Variants in CCBE1 observed in about 807,000 individuals in gnomAD.
The protein encoded by CCBE1 is collagen and calcium-binding EGF domain-containing protein 1.
Under a neutral mutation model 50.0 loss-of-function variants are expected in CCBE1, and 37 were observed. The observed-to-expected ratio is 0.74, with a 90% CI of 0.57 to 0.97. The LOEUF (loss-of-function observed/expected upper bound fraction) is 0.97, where lower values mean the gene tolerates loss of function less well. Among genes scored for constraint, CCBE1 ranks in the 50% least tolerant of loss-of-function variants. The pLI, the probability that CCBE1 is intolerant of heterozygous loss-of-function variation, is 0.00. For synonymous variants in CCBE1, 234 were observed against 203.7 expected (o/e 1.15, Z -1.27); for missense variants, 538 against 523.8 (o/e 1.03, Z -0.26).
chr18:59,696,219 C>T (rs3114279), intron 2 of CCBE1, among the ~76,000 whole-genome samples: 71,958 of 152,018 alleles, frequency 0.47, 17,239 homozygotes, highest in African/African-American at 0.51. Context: ...TCTGCCCCAA[C>T]AGAAGGTCAG....
rs1016070373 is a variant in CCBE1 at position 59,435,795 on chromosome 18, G to T, written c.*113C>A. ...GGAGTGGAGAGACGTCAGGAGAAGA[G>T]AAGAGAAAAATGTATGTTTTCTAGG... On this transcript the variant is annotated 3_prime_UTR_variant, in exon 11 of 11. Coordinates refer to ENST00000439986, the MANE Select transcript of CCBE1 (RefSeq NM_133459.4). 3.1e-5 allele frequency: 30 copies of T among 956,256 alleles called. No individual in the cohort carries two copies. Among genetic ancestry groups the T allele is most frequent in the Middle Eastern group, 2.7e-4 (1 of 3,666 alleles). The allele number at this position is 956,256 out of a possible 1,614,324, so 59.2% of individuals were successfully genotyped here. A position where few individuals can be genotyped will look rare whatever the true frequency, so the allele number is the denominator to read the frequency against.
chr18:59,455,577 T>C (rs1911152881), intron 5 of CCBE1, among the ~76,000 whole-genome samples: 2 of 152,234 alleles, frequency 1.3e-5, no homozygotes, highest in Admixed American at 1.3e-4. Context: ...AGGTGCTCCA[T>C]GGGCTTTTTG....
At chr18:59,663,169 GAGA>G (rs1315708612) in intron 2 of CCBE1, among the ~76,000 whole-genome samples, 4 of 152,224 alleles carry the variant, frequency 2.6e-5, no homozygotes, top group African/African-American at 9.7e-5. Context: ...CAATTGCTGA[GAGA>G]AGAAGATCCT....
At chr18:59,620,922 G>C (rs888852296) in intron 2 of CCBE1, among the ~76,000 whole-genome samples, 1 of 152,142 alleles carries the variant, frequency 6.6e-6, no homozygotes. Flanking sequence ...CACTGGCCAG[G>C]GCTGTCCAGG....
At chr18:59,687,814 A>G (rs1417626456) in intron 2 of CCBE1, among the ~76,000 whole-genome samples, 1 of 152,160 alleles carries the variant, frequency 6.6e-6, no homozygotes, top group Non-Finnish European at 1.5e-5. Context: ...CAAAAAAATT[A>G]GCTGGGCGTG....
At chr18:59,644,666 A>ATT (rs1276422370) in intron 2 of CCBE1, among the ~76,000 whole-genome samples, 2 of 152,158 alleles carry the variant, frequency 1.3e-5, no homozygotes, top group African/African-American at 4.8e-5. Flanking sequence ...AGTTGGCACA[A>ATT]TGTGTGGGGA....
chr18:59,631,434 T>C (rs2053847047), intron 2 of CCBE1, among the ~76,000 whole-genome samples: 1 of 152,112 alleles, frequency 6.6e-6, no homozygotes, highest in African/African-American at 2.4e-5. Flanking sequence ...AGTGCCGACT[T>C]GAATCCAGAA....
chr18:59,521,841 C>T (rs1484813161), intron 2 of CCBE1, among the ~76,000 whole-genome samples: 1 of 152,168 alleles, frequency 6.6e-6, no homozygotes, highest in East Asian at 1.9e-4. Flanking sequence ...TTTAGTCATA[C>T]TTATTTTCTA....
At chr18:59,677,448 C>T (rs1225274095) in intron 2 of CCBE1, among the ~76,000 whole-genome samples, 1 of 152,020 alleles carries the variant, frequency 6.6e-6, no homozygotes, top group Non-Finnish European at 1.5e-5. Context: ...GACATCCAAG[C>T]AAAGATCAAG....
At chr18:59,530,833 T>A (rs547660300) in intron 2 of CCBE1, among the ~76,000 whole-genome samples, 1 of 152,368 alleles carries the variant, frequency 6.6e-6, no homozygotes, top group South Asian at 2.1e-4. Context: ...TTAAATATCT[T>A]ATTAATCAAT....
intron 2 of CCBE1, among the ~76,000 whole-genome samples, chr18:59,513,501 TA>T (rs1914228818): frequency 6.6e-6 from 1 of 152,204 alleles, no homozygotes; most frequent in Non-Finnish European, 1.5e-5. Flanking sequence ...TGCTCAGGCC[TA>T]ACTTCAGTGT....
chr18:59,572,259 C>T (rs1167948154), intron 2 of CCBE1, among the ~76,000 whole-genome samples: 2 of 152,098 alleles, frequency 1.3e-5, no homozygotes, highest in Non-Finnish European at 2.9e-5. Flanking sequence ...TTAATCGAGC[C>T]AAGGCAGTAT....
intron 2 of CCBE1, among the ~76,000 whole-genome samples, chr18:59,483,660 G>A (rs1207742459): frequency 6.6e-6 from 1 of 152,136 alleles, no homozygotes. Flanking sequence ...ATTGTTAAAA[G>A]TCAAATTTGG....
At chr18:59,444,318 A>ATT (rs147064302) in intron 7 of CCBE1, among the ~76,000 whole-genome samples, 8 of 151,572 alleles carry the variant, frequency 5.3e-5, no homozygotes, top group Non-Finnish European at 7.4e-5. Context: ...ATATATATAC[A>ATT]TTTTTTTTAG....
At chr18:59,659,431 G>A (rs750165778) in intron 2 of CCBE1, among the ~76,000 whole-genome samples, 2 of 151,938 alleles carry the variant, frequency 1.3e-5, no homozygotes, top group African/African-American at 4.8e-5. Context: ...GCATTCTCTC[G>A]GGCATGAAAA....
At position 59,494,817 on chromosome 18, in the gene CCBE1, G is replaced by A. The variant is rs141427563; in HGVS notation, c.213-14579C>T. On this transcript the variant is annotated intron_variant, in intron 2 of 10. Coordinates refer to ENST00000439986, the MANE Select transcript of CCBE1 (RefSeq NM_133459.4). ...GCAAGGCAGGGCATGGAGCTCTAGC[G>A]ACGACCTGCAGCATGGCAGATGAAG... Among the ~76,000 whole-genome samples, 172 of 152,264 alleles carry A rather than the reference G, an allele frequency of 1.1e-3. 1 individual carries two copies. The highest frequency in any genetic ancestry group is 3.4e-3 in the Middle Eastern group (1 of 294).
At chr18:59,497,742 A>C (rs1170276139) in intron 2 of CCBE1, among the ~76,000 whole-genome samples, 1 of 152,102 alleles carries the variant, frequency 6.6e-6, no homozygotes, top group Non-Finnish European at 1.5e-5. Context: ...GGCCCTTCCT[A>C]AGGAAAACTG....
intron 2 of CCBE1, among the ~76,000 whole-genome samples, chr18:59,544,426 C>A (rs1296714303): frequency 6.6e-6 from 1 of 152,160 alleles, no homozygotes; most frequent in Non-Finnish European, 1.5e-5. Flanking sequence ...ATTGCTTTTT[C>A]CTTACAAAAA....
chr18:59,660,166 C>G (rs1054071334), intron 2 of CCBE1, among the ~76,000 whole-genome samples: 2 of 152,216 alleles, frequency 1.3e-5, no homozygotes, highest in African/African-American at 4.8e-5. Context: ...CTCCCTCTAT[C>G]AGCCTAAAGG....
Sources: gnomAD v4.1 joint callset for allele counts (sites outside exome capture counted in the v4.1 genomes callset) on GRCh38, gnomAD v4.1.1 for gene constraint, MANE v1.5 for transcripts, NCBI Gene and HGNC (gene_info 2026-07-23, HGNC 2026-07-21) for gene names.